BRINP3: variants seen among roughly 807,000 people sequenced by gnomAD.
BRINP3 encodes the protein BMP/retinoic acid-inducible neural-specific protein 3.
A neutral mutation model predicts 71.0 loss-of-function variants in BRINP3; 19 were observed. The ratio of observed to expected loss-of-function variants is 0.27; its 90% confidence interval spans 0.19 to 0.39. The LOEUF (loss-of-function observed/expected upper bound fraction) is 0.39. Ranked by LOEUF, BRINP3 falls within the 10% of genes least tolerant of loss-of-function variation. BRINP3 has a pLI of 1.00. For missense variants in BRINP3, 959 were observed against 940.8 expected, an observed-to-expected ratio of 1.02 and a Z score of -0.25; for synonymous variants, 380 against 337.7, an observed-to-expected ratio of 1.13 and a Z score of -1.37.
At chr1:190,172,386 G>A (rs971704306) in intron 6 of BRINP3, among the ~76,000 whole-genome samples, 6 of 151,338 alleles carry the variant, frequency 4.0e-5, no homozygotes, top group East Asian at 1.9e-4. Flanking sequence ...TTTTTCCTCC[G>A]GATTGAATTA....
At chr1:190,297,461 C>G (rs1030628117) in intron 2 of BRINP3, among the ~76,000 whole-genome samples, 1 of 151,990 alleles carries the variant, frequency 6.6e-6, no homozygotes, top group Non-Finnish European at 1.5e-5. Context: ...TTGTTTACAA[C>G]CTTAATGGGA....
At chr1:190,210,154 G>C (rs527479655) in intron 6 of BRINP3, among the ~76,000 whole-genome samples, 1 of 152,020 alleles carries the variant, frequency 6.6e-6, no homozygotes, top group Non-Finnish European at 1.5e-5. Flanking sequence ...GCTTCTAAGA[G>C]TTTGTGTTTG....
intron 6 of BRINP3, among the ~76,000 whole-genome samples, chr1:190,190,132 G>T (rs1653905459): frequency 6.6e-6 from 1 of 152,100 alleles, no homozygotes; most frequent in Non-Finnish European, 1.5e-5. Flanking sequence ...TTCATCCTGG[G>T]ATTATTTGGT....
At chr1:190,217,146 A>G (rs1417735120) in intron 6 of BRINP3, 1 of 151,994 alleles carries the variant, frequency 6.6e-6, no homozygotes, top group Non-Finnish European at 1.5e-5. Flanking sequence ...AAACATGTAA[A>G]GAGTGCACTT....
intron 2 of BRINP3, among the ~76,000 whole-genome samples, chr1:190,426,290 TG>T (rs1272470712): frequency 1.3e-5 from 2 of 151,798 alleles, no homozygotes; most frequent in Non-Finnish European, 3.0e-5. Flanking sequence ...TCTTGGTATT[TG>T]TGGAGTCCTG....
intron 2 of BRINP3, among the ~76,000 whole-genome samples, chr1:190,308,335 TAA>T (rs1467120674): frequency 6.6e-6 from 1 of 151,806 alleles, no homozygotes; most frequent in Non-Finnish European, 1.5e-5. Flanking sequence ...ACTGAAAGTG[TAA>T]AAGAGTAATG....
chr1:190,212,806 G>T (rs1656098224), intron 6 of BRINP3, among the ~76,000 whole-genome samples: 1 of 152,116 alleles, frequency 6.6e-6, no homozygotes, highest in Non-Finnish European at 1.5e-5. Flanking sequence ...CCATCAGCCT[G>T]AGTCCAGGAG....
intron 2 of BRINP3, among the ~76,000 whole-genome samples, chr1:190,341,213 C>T (rs1022188777): frequency 3.3e-5 from 5 of 151,798 alleles, no homozygotes; most frequent in African/African-American, 1.2e-4. Flanking sequence ...GTTGAACAAA[C>T]ACCTCTGTCT....
chr1:190,141,242 A>G (rs770697623), intron 7 of BRINP3, among the ~76,000 whole-genome samples: 2 of 152,058 alleles, frequency 1.3e-5, no homozygotes, highest in Non-Finnish European at 2.9e-5. Context: ...CCATTAAGAT[A>G]TTAATATAAT....
At chr1:190,149,031 T>C (rs894207617) in intron 7 of BRINP3, among the ~76,000 whole-genome samples, 1 of 152,206 alleles carries the variant, frequency 6.6e-6, no homozygotes, top group East Asian at 1.9e-4. Context: ...GTTTAGATTA[T>C]CAAAACTTCA....
At position 190,125,433 on chromosome 1, in the gene BRINP3, T is replaced by C. The variant is rs1047860263; in HGVS notation, c.1185-26299A>G. ...CTTTTACAATGCTTTAAAACATATT[T>C]TTTTCTCCTTGAAGAATATGTTGTA... On this transcript the variant is annotated intron_variant, in intron 7 of 7. Coordinates refer to ENST00000367462, the MANE Select transcript of BRINP3 (RefSeq NM_199051.3). Among the ~76,000 whole-genome samples, 5 of 152,002 alleles carry C rather than the reference T, an allele frequency of 3.3e-5. No individual in the cohort carries two copies. The South Asian group carries it at 8.3e-4, about 25-fold the overall frequency.
intron 5 of BRINP3, among the ~76,000 whole-genome samples, chr1:190,227,902 A>C (rs1388154976): frequency 1.3e-5 from 2 of 151,972 alleles, no homozygotes; most frequent in African/African-American, 4.8e-5. Flanking sequence ...TTTAGATTTA[A>C]ATTAATTTTA....
intron 2 of BRINP3, among the ~76,000 whole-genome samples, chr1:190,314,080 T>A (rs779206229): frequency 6.6e-6 from 1 of 151,980 alleles, no homozygotes; most frequent in Non-Finnish European, 1.5e-5. Flanking sequence ...CAAAATATAA[T>A]GAGTGACTTG....
At chr1:190,404,131 T>C (rs532093680) in intron 2 of BRINP3, among the ~76,000 whole-genome samples, 1 of 152,300 alleles carries the variant, frequency 6.6e-6, no homozygotes, top group African/African-American at 2.4e-5. Context: ...AAAATCATGC[T>C]CTTTAAGTCA....
intron 7 of BRINP3, among the ~76,000 whole-genome samples, chr1:190,104,343 T>G (rs1196424614): frequency 6.6e-6 from 1 of 152,104 alleles, no homozygotes; most frequent in Non-Finnish European, 1.5e-5. Flanking sequence ...TATAGGGTTG[T>G]GCTAAGAATT....
intron 2 of BRINP3, among the ~76,000 whole-genome samples, chr1:190,429,733 G>A: frequency 6.6e-6 from 1 of 151,792 alleles, no homozygotes; most frequent in South Asian, 2.1e-4. Flanking sequence ...TGGGATTACA[G>A]GAAGCTGCCA....
At chr1:190,366,377 C>A (rs1242880805) in intron 2 of BRINP3, among the ~76,000 whole-genome samples, 1 of 152,098 alleles carries the variant, frequency 6.6e-6, no homozygotes, top group African/African-American at 2.4e-5. Flanking sequence ...AGCACAAAAA[C>A]AGCATGAGGG....
chr1:190,222,835 G>A (rs944785759), intron 6 of BRINP3, among the ~76,000 whole-genome samples: 2 of 151,576 alleles, frequency 1.3e-5, no homozygotes, highest in South Asian at 2.1e-4. Flanking sequence ...AATGAAAAAG[G>A]AGACATAACA....
In BRINP3 at chr1:190,098,530, C is replaced by G. The variant is rs139472620; in HGVS notation, c.1789G>C (p.Glu597Gln). Residue 597 changes from glutamate (E) to glutamine (Q), a missense_variant, in exon 8 of 8, where the codon GAG becomes CAG. Glu to Gln is a conservative substitution (Grantham distance 29). Transcript: ENST00000367462. Reference protein sequence around the residue: ...PVNENSFPDWERTKLDLPLQC... With the variant: ...PVNENSFPDWQRTKLDLPLQC... ...AGGGGTAGGTCCAACTTAGTCCGCTCCCAGTCTGGAAAGCTGTTTTCATTC... is the reference window on the plus strand; with the variant it reads ...AGGGGTAGGTCCAACTTAGTCCGCTGCCAGTCTGGAAAGCTGTTTTCATTC... 1 of 1,614,036 alleles carries G rather than the reference C, an allele frequency of 6.2e-7. No homozygotes were observed. The highest frequency in any genetic ancestry group is 1.3e-5 in the African/African-American group (1 of 74,904).
Sources: gnomAD v4.1 joint callset for allele counts (sites outside exome capture counted in the v4.1 genomes callset) on GRCh38, gnomAD v4.1.1 for gene constraint, MANE v1.5 for transcripts, NCBI Gene and HGNC (gene_info 2026-07-23, HGNC 2026-07-21) for gene names.